Variants in ACOT7 observed in about 807,000 individuals in gnomAD.
ACOT7 encodes the protein cytosolic acyl coenzyme A thioester hydrolase.
A neutral mutation model predicts 40.2 loss-of-function variants in ACOT7; 12 were observed. The ratio of observed to expected loss-of-function variants is 0.30; its 90% CI spans 0.19 to 0.48. ACOT7 has a LOEUF of 0.48. Among genes scored for constraint, ACOT7 ranks in the 20% least tolerant of loss-of-function variants. The pLI, the probability that ACOT7 is intolerant of heterozygous loss-of-function variation, is 0.99. For synonymous variants in ACOT7, 228 were observed against 219.5 expected (o/e 1.04, Z -0.34); for missense variants, 395 against 530.8 (o/e 0.74, Z 2.51).
At chr1:6,293,326 C>G (rs1639725699) in intron 7 of ACOT7, among the ~76,000 whole-genome samples, 1 of 152,166 alleles carries the variant, frequency 6.6e-6, no homozygotes, top group Non-Finnish European at 1.5e-5. Flanking sequence ...GTGATTTACC[C>G]AGGCAGGAGT....
chr1:6,391,164 C>T (rs746033925), intron 1 of ACOT7, among the ~76,000 whole-genome samples: 1 of 151,670 alleles, frequency 6.6e-6, no homozygotes, highest in Non-Finnish European at 1.5e-5. Flanking sequence ...GGCGTGGTGG[C>T]GCACGCCTGT....
intron 1 of ACOT7, among the ~76,000 whole-genome samples, chr1:6,385,282 C>T (rs765519170): frequency 4.0e-5 from 6 of 151,794 alleles, no homozygotes; most frequent in Non-Finnish European, 5.9e-5. Flanking sequence ...CCGGGTGTTC[C>T]GCTCGTCCCT....
At chr1:6,379,493 C>T (rs56933570) in intron 1 of ACOT7, among the ~76,000 whole-genome samples, 48,962 of 151,358 alleles carry the variant, frequency 0.32, 12,400 homozygotes, top group African/African-American at 0.7. Flanking sequence ...GGTCTCACTC[C>T]GTCACCCAGG....
At position 6,264,425 on chromosome 1, in the gene ACOT7, G is replaced by T; in HGVS notation, c.*172C>A. 1.6e-6 allele frequency: 1 copy of T among 614,698 alleles called. No individual in the cohort carries two copies. The highest frequency in any genetic ancestry group is 2.9e-6 in the Non-Finnish European group (1 of 350,460). 38.1% of individuals were successfully genotyped at this position (614,698 alleles called of 1,614,324 possible). A position where few individuals can be genotyped will look rare whatever the true frequency, so the allele number is the denominator to read the frequency against. On this transcript the variant is annotated 3_prime_UTR_variant, in exon 9 of 9. Coordinates refer to ENST00000361521, the MANE Select transcript of ACOT7 (RefSeq NM_007274.4). Reference sequence around the variant, plus strand: ...ACTGGAATGATATAAATAAAGCTTTGGTGTGTAGGTTTGCAGGAGAGAGTA... The same window carrying T: ...ACTGGAATGATATAAATAAAGCTTTTGTGTGTAGGTTTGCAGGAGAGAGTA...
chr1:6,344,204 C>T (rs1641354343), intron 2 of ACOT7, among the ~76,000 whole-genome samples: 1 of 152,120 alleles, frequency 6.6e-6, no homozygotes, highest in South Asian at 2.1e-4. Flanking sequence ...GGCTGCCAGG[C>T]CTTGCAGGCC....
At chr1:6,332,346 GC>G (rs1367982394) in intron 4 of ACOT7, among the ~76,000 whole-genome samples, 1 of 152,196 alleles carries the variant, frequency 6.6e-6, no homozygotes, top group African/African-American at 2.4e-5. Flanking sequence ...CCTTGGACTT[GC>G]CAATGAACTT....
chr1:6,278,360 A>G lies in ACOT7; in HGVS notation c.1014+2742T>C, dbSNP rs192334604. On this transcript the variant is annotated intron_variant, in intron 8 of 8. Coordinates refer to ENST00000361521, the MANE Select transcript of ACOT7 (RefSeq NM_007274.4). This position sits in a 1 kb window ranked among gnomAD's most constrained non-coding sequence, Gnocchi z 4.1. ...TTCCTGGGCTGCAGGGAAGGGTCAC[A>G]TTGAGAGCACCAGGAACAGAGGAAG... Among the ~76,000 whole-genome samples, 106 of 152,240 alleles carry G rather than the reference A, an allele frequency of 7.0e-4. No homozygotes were observed. Among genetic ancestry groups the G allele is most frequent in the African/African-American group, 2.5e-3 (103 of 41,552 alleles).
At position 6,354,992 on chromosome 1, in the gene ACOT7, A is replaced by G. The variant is rs912906622; in HGVS notation, c.144-5126T>C. Among the ~76,000 whole-genome samples the G allele has an allele frequency of 2.6e-5, 4 of 151,858 alleles. No individual in the cohort carries two copies. The South Asian group carries it at 6.2e-4, about 24-fold the overall frequency. ...GGCCTTTCCCATCTACAGAATAAAG[A>G]CTCAATCTCCTAGTAAGGCATCTGG... On this transcript the variant is annotated intron_variant, in intron 1 of 8. Coordinates refer to ENST00000361521, the MANE Select transcript of ACOT7 (RefSeq NM_007274.4).
intron 6 of ACOT7, 56 bp downstream of exon 6, chr1:6,318,436 G>A (rs1266505457): frequency 6.4e-7 from 1 of 1,563,898 alleles, no homozygotes; most frequent in African/African-American, 1.4e-5. Context: ...GGCTGCCAGA[G>A]AAGCAACAAT....
At chr1:6,320,493 G>T (rs928171184) in intron 5 of ACOT7, among the ~76,000 whole-genome samples, 3 of 152,184 alleles carry the variant, frequency 2.0e-5, no homozygotes, top group South Asian at 2.1e-4. Flanking sequence ...GAGATGCGGG[G>T]ATTCAGGCCC....
At position 6,351,666 on chromosome 1, in the gene ACOT7, C is replaced by T. The variant is rs1029681577; in HGVS notation, c.144-1800G>A. 3.3e-5 allele frequency among the ~76,000 whole-genome samples: 5 copies of T among 152,222 alleles called. No individual in the cohort carries two copies. In the South Asian group the frequency reaches 8.3e-4, roughly 25 times the overall value. On this transcript the variant is annotated intron_variant, in intron 1 of 8. Coordinates refer to ENST00000361521, the MANE Select transcript of ACOT7 (RefSeq NM_007274.4). ...TTCTAGAGCAGTGAGGAAACATCAG[C>T]CCAGCATTTCCCAGGAGCAGCAGAG...
chr1:6,266,878 G>C (rs576320683), intron 8 of ACOT7, among the ~76,000 whole-genome samples: 1 of 152,382 alleles, frequency 6.6e-6, no homozygotes, highest in African/African-American at 2.4e-5. Flanking sequence ...ACAGGACCTG[G>C]TGGGGTTGGT....
At chr1:6,368,324 G>A (rs899623920) in intron 1 of ACOT7, among the ~76,000 whole-genome samples, 10 of 152,168 alleles carry the variant, frequency 6.6e-5, no homozygotes, top group Non-Finnish European at 1.5e-4. Context: ...AAAGTCTGAA[G>A]GGCACCATCA....
At chr1:6,292,755 C>T (rs777309547) in intron 7 of ACOT7, among the ~76,000 whole-genome samples, 9 of 150,500 alleles carry the variant, frequency 6.0e-5, no homozygotes, top group Non-Finnish European at 1.2e-4. Context: ...AATCTTGGCT[C>T]GCTGCAACCT....
At chr1:6,382,587 G>A (rs940812222) in intron 1 of ACOT7, among the ~76,000 whole-genome samples, 2 of 151,746 alleles carry the variant, frequency 1.3e-5, no homozygotes, top group African/African-American at 4.8e-5. Flanking sequence ...AGACGGAGAT[G>A]GGCAGATCCC....
intron 1 of ACOT7, among the ~76,000 whole-genome samples, chr1:6,356,004 C>T (rs1641733633): frequency 6.6e-6 from 1 of 152,136 alleles, no homozygotes; most frequent in African/African-American, 2.4e-5. Context: ...TGAATTGTGT[C>T]CCCCAAAAGA....
chr1:6,310,571 G>A (rs1422440856), intron 6 of ACOT7, among the ~76,000 whole-genome samples: 1 of 152,190 alleles, frequency 6.6e-6, no homozygotes, highest in Non-Finnish European at 1.5e-5. Flanking sequence ...TGGATCCATT[G>A]AGACAAACCT....
At chr1:6,269,780 C>T (rs1168662977) in intron 8 of ACOT7, among the ~76,000 whole-genome samples, 2 of 152,240 alleles carry the variant, frequency 1.3e-5, no homozygotes, top group South Asian at 2.1e-4. Flanking sequence ...TCCCGTCTCC[C>T]GGGATGGTAG....
intron 6 of ACOT7, among the ~76,000 whole-genome samples, chr1:6,313,585 C>T (rs551668489): frequency 6.6e-6 from 1 of 152,318 alleles, no homozygotes; most frequent in Non-Finnish European, 1.5e-5. Context: ...ACTCACCCAC[C>T]CACAGATGTG....
Sources: gnomAD v4.1 joint callset for allele counts (sites outside exome capture counted in the v4.1 genomes callset) on GRCh38, gnomAD v4.1.1 for gene constraint, Gnocchi (gnomAD v3.1) non-coding constraint, MANE v1.5 for transcripts, NCBI Gene and HGNC (gene_info 2026-07-23, HGNC 2026-07-21) for gene names.